NEDD1: variants seen among roughly 807,000 people sequenced by gnomAD.
The protein encoded by NEDD1 is NEDD1 gamma-tubulin ring complex targeting factor.
NEDD1 carries 33 observed loss-of-function variants against 74.0 expected under a neutral mutation model. The ratio of observed to expected loss-of-function variants is 0.45; its 90% CI spans 0.34 to 0.60. The LOEUF is 0.60. Ranked by LOEUF, NEDD1 falls within the 20% of genes least tolerant of loss-of-function variation. The pLI, the probability that NEDD1 is intolerant of heterozygous loss-of-function variation, is 0.01. For missense variants in NEDD1, 746 were observed against 776.5 expected, an observed-to-expected ratio of 0.96 and a Z score of 0.47; for synonymous variants, 250 against 264.4, an observed-to-expected ratio of 0.95 and a Z score of 0.53.
intron 7 of NEDD1, among the ~76,000 whole-genome samples, chr12:96,935,892 T>A (rs75301828): frequency 6.6e-6 from 1 of 152,308 alleles, no homozygotes; most frequent in African/African-American, 2.4e-5. Flanking sequence ...CCACTGTCTG[T>A]AGATCATGTG....
In NEDD1 at chr12:96,945,679, A is replaced by C; in HGVS notation, c.1655-14A>C. 3 of 1,537,920 alleles carry C rather than the reference A, an allele frequency of 2.0e-6. No individual in the cohort carries two copies. The highest frequency in any genetic ancestry group is 1.8e-6 in the Non-Finnish European group (2 of 1,113,392). On this transcript the variant is annotated splice_polypyrimidine_tract_variant and intron_variant, in intron 13 of 15. Transcript: ENST00000266742. Reference sequence around the variant, plus strand: ...CAAGTTGACTATTAATATTTTCTTCATTCTTTATTTTAGATCCAAAGATAG... The same window carrying C: ...CAAGTTGACTATTAATATTTTCTTCCTTCTTTATTTTAGATCCAAAGATAG...
chr12:96,916,663 C>T (rs1349970148), intron 4 of NEDD1, among the ~76,000 whole-genome samples: 2 of 150,204 alleles, frequency 1.3e-5, no homozygotes, highest in East Asian at 3.9e-4. Context: ...CATTGTTGGA[C>T]ATTTGGGTTG....
intron 6 of NEDD1, among the ~76,000 whole-genome samples, chr12:96,929,989 A>G (rs1214507124): frequency 3.3e-5 from 5 of 151,746 alleles, no homozygotes; most frequent in African/African-American, 4.8e-5. Flanking sequence ...TATTCCTTCT[A>G]CTTCCTTCTG....
At chr12:96,951,287 A>G (rs1413617118) in intron 14 of NEDD1, 145 bp from the exon 15 acceptor site, 1 of 466,064 alleles carries the variant, frequency 2.1e-6, no homozygotes, top group Non-Finnish European at 3.9e-6. Flanking sequence ...TAGTGAATAA[A>G]TGCTCAGTGC....
At chr12:96,925,657 A>C (rs1875613473) in intron 6 of NEDD1, among the ~76,000 whole-genome samples, 1 of 152,190 alleles carries the variant, frequency 6.6e-6, no homozygotes, top group Non-Finnish European at 1.5e-5. Flanking sequence ...TCTTCCTCAC[A>C]CCAGTATCTT....
intron 4 of NEDD1, among the ~76,000 whole-genome samples, chr12:96,916,181 A>ATTATTT (rs1874417721): frequency 1.3e-5 from 2 of 151,806 alleles, no homozygotes; most frequent in South Asian, 4.2e-4. Flanking sequence ...TTTGAAAGCC[A>ATTATTT]GGTAAATGTT....
chr12:96,943,864 TTA>T (rs1189602212), intron 12 of NEDD1, 102 bp downstream of exon 12: 4 of 666,882 alleles, frequency 6.0e-6, no homozygotes, highest in Non-Finnish European at 1.0e-5. Context: ...TGCTATGCAC[TTA>T]TTCATAAGTC....
rs571441714 is a variant in NEDD1, at chr12:96,932,189, A to AT, written c.490-2781dup. Reference sequence around the variant, plus strand: ...TAGCATTGCTGCTTATACTGCCGGGATTTTTTCCCCCCCATAAGCTTCTTG... The same window carrying AT: ...TAGCATTGCTGCTTATACTGCCGGGATTTTTTTCCCCCCCATAAGCTTCTTG... On this transcript the variant is annotated intron_variant, in intron 6 of 15. Coordinates refer to ENST00000266742, the MANE Select transcript of NEDD1 (RefSeq NM_152905.4). Among the ~76,000 whole-genome samples the AT allele has an allele frequency of 1.9e-4, 29 of 151,382 alleles. 1 individual carries two copies. The South Asian group carries it at 5.9e-3, about 31-fold the overall frequency.
At chr12:96,946,200 G>A (rs964423449) in intron 14 of NEDD1, among the ~76,000 whole-genome samples, 1 of 152,064 alleles carries the variant, frequency 6.6e-6, no homozygotes, top group African/African-American at 2.4e-5. Context: ...TATGCTGTGT[G>A]CAATAATGTA....
rs1877873193 is a variant in NEDD1, at chr12:96,943,507, A to G, written c.1295-53A>G. On this transcript the variant is annotated intron_variant, in intron 11 of 15. Coordinates refer to ENST00000266742, the MANE Select transcript of NEDD1 (RefSeq NM_152905.4). ...CCTATCATGTTAAATGCTTTTCTTC[A>G]ATGTCCAAAATTGGAGGACACCATA... The G allele has an allele frequency of 2.5e-6, 3 of 1,218,336 alleles. No homozygotes were observed. The South Asian group carries it at 3.9e-5, about 16-fold the overall frequency. The allele number at this position is 1,218,336 out of a possible 1,614,324, so 75.5% of individuals were successfully genotyped here.
chr12:96,930,557 G>C lies in NEDD1; in HGVS notation c.490-4419G>C, dbSNP rs183485319. 8.5e-5 allele frequency among the ~76,000 whole-genome samples: 13 copies of C among 152,074 alleles called. No homozygotes were observed. In the East Asian group the frequency reaches 1.9e-3, roughly 23 times the overall value. ...CAGTGCCCAGGGTTTTTATTGGGGGGGCTGGTTATATCTAGGAGTCCACTG... is the reference window on the plus strand; with the variant it reads ...CAGTGCCCAGGGTTTTTATTGGGGGCGCTGGTTATATCTAGGAGTCCACTG... On this transcript the variant is annotated intron_variant, in intron 6 of 15. Coordinates refer to ENST00000266742, the MANE Select transcript of NEDD1 (RefSeq NM_152905.4).
intron 8 of NEDD1, 129 bp downstream of exon 8, chr12:96,936,941 T>A (rs1321078745): frequency 1.6e-6 from 1 of 617,276 alleles, no homozygotes; most frequent in East Asian, 2.9e-5. Context: ...ACATGTAATG[T>A]ATAATAATTT....
intron 4 of NEDD1, among the ~76,000 whole-genome samples, chr12:96,917,171 T>C (rs139227251): frequency 1.6e-3 from 249 of 152,268 alleles, no homozygotes; most frequent in African/African-American, 5.7e-3. Flanking sequence ...AAAAAACTTA[T>C]CCCATCGGTA....
intron 10 of NEDD1, 124 bp downstream of exon 10, chr12:96,940,661 C>G (rs1877576654): frequency 7.3e-6 from 4 of 549,274 alleles, no homozygotes; most frequent in African/African-American, 1.9e-5. Context: ...TTTCTCCATC[C>G]CTGGGGTGGT....
chr12:96,941,287 T>C (rs1312558407), intron 10 of NEDD1, among the ~76,000 whole-genome samples: 3 of 152,110 alleles, frequency 2.0e-5, no homozygotes, highest in African/African-American at 7.2e-5. Context: ...ATCTCGAAGT[T>C]GTTTCATCCA....
intron 14 of NEDD1, among the ~76,000 whole-genome samples, chr12:96,949,472 T>C (rs566826414): frequency 3.3e-5 from 5 of 152,234 alleles, no homozygotes; most frequent in South Asian, 4.1e-4. Flanking sequence ...TATAAAGATA[T>C]TAGTTCACCT....
chr12:96,930,436 G>A (rs1051075269), intron 6 of NEDD1, among the ~76,000 whole-genome samples: 3 of 152,016 alleles, frequency 2.0e-5, no homozygotes, highest in Non-Finnish European at 2.9e-5. Flanking sequence ...AACTTCCAAG[G>A]GTCTTCTCCT....
intron 14 of NEDD1, 42 bp downstream of exon 14, chr12:96,945,891 GT>G (rs751751718): frequency 5.2e-3 from 5,848 of 1,123,054 alleles, no homozygotes; most frequent in South Asian, 8.5e-3. Context: ...GACCTTACTT[GT>G]TTTTTTTTTA....
At chr12:96,908,800 G>C (rs563975738) in intron 2 of NEDD1, among the ~76,000 whole-genome samples, 1 of 152,324 alleles carries the variant, frequency 6.6e-6, no homozygotes, top group East Asian at 1.9e-4. Context: ...CTTATTAGTA[G>C]TTATTTGTTG....
Sources: allele counts gnomAD v4.1 joint callset (sites outside exome capture counted in the v4.1 genomes callset), GRCh38; gene constraint gnomAD v4.1.1; transcripts MANE v1.5; gene names NCBI Gene and HGNC (gene_info 2026-07-23, HGNC 2026-07-21).